The following MYOZ2 variants were observed in gnomAD, a reference collection of about 807,000 sequenced individuals.
MYOZ2 encodes myozenin-2.
In MYOZ2, 19 loss-of-function variants were observed where a neutral mutation model predicts 25.4. The ratio of observed to expected loss-of-function variants is 0.75; its 90% confidence interval spans 0.52 to 1.10. MYOZ2 has a LOEUF of 1.10. Among genes scored for constraint, MYOZ2 ranks in the 50% least tolerant of loss-of-function variants. The pLI, the probability that MYOZ2 is intolerant of heterozygous loss-of-function variation, is 0.00. For synonymous variants in MYOZ2, 92 were observed against 106.9 expected (o/e 0.86, Z 0.86); for missense variants, 270 against 317.9 (o/e 0.85, Z 1.15).
intron 5 of MYOZ2, among the ~76,000 whole-genome samples, chr4:119,172,987 G>A (rs1282266521): frequency 1.4e-4 from 22 of 152,090 alleles, no homozygotes; most frequent in Admixed American, 1.4e-3. Flanking sequence ...TTCCCCATCT[G>A]CAAAATAAAT....
rs200077093 is a variant in MYOZ2, at chr4:119,164,281, A to G, written c.447A>G (p.Gln149=). 21 of 1,614,060 alleles carry G rather than the reference A, an allele frequency of 1.3e-5. No homozygotes were observed. In the Admixed American group the frequency reaches 2.0e-4, roughly 15 times the overall value. The change falls in exon 5 of 6, where the codon CAA becomes CAG. Residue 149 remains glutamine, a synonymous_variant. Transcript: ENST00000307128. The part of the protein sequence containing the change: ...FNTTAVPKYY[Q]SPWEQAISND... The stretch of plus-strand genomic sequence containing the variant: ...CCACAGCTGTCCCTAAGTACTATCA[A>G]TCTCCCTGGGAACAAGCCATTAGCA...
At chr4:119,175,190 G>C (rs948848368) in intron 5 of MYOZ2, among the ~76,000 whole-genome samples, 3 of 151,844 alleles carry the variant, frequency 2.0e-5, no homozygotes, top group African/African-American at 7.3e-5. Context: ...AGAAGGAAAT[G>C]TTTTCATTTA....
At chr4:119,176,943 A>G (rs532433003) in intron 5 of MYOZ2, among the ~76,000 whole-genome samples, 4 of 152,220 alleles carry the variant, frequency 2.6e-5, no homozygotes, top group Non-Finnish European at 4.4e-5. Context: ...ACTAGTTCCC[A>G]GATGAAGCCA....
At chr4:119,165,467 T>G (rs1463678792) in intron 5 of MYOZ2, among the ~76,000 whole-genome samples, 1 of 152,074 alleles carries the variant, frequency 6.6e-6, no homozygotes, top group African/African-American at 2.4e-5. Flanking sequence ...GCTGAAATCA[T>G]GTAACTTCAC....
chr4:119,137,754 A>C (rs1183511449), intron 2 of MYOZ2, among the ~76,000 whole-genome samples: 1 of 152,182 alleles, frequency 6.6e-6, no homozygotes, highest in Non-Finnish European at 1.5e-5. Flanking sequence ...TGAGTCAGAT[A>C]CCAGAACTGA....
At chr4:119,154,865 ACACACG>A (rs1382369517) in intron 3 of MYOZ2, among the ~76,000 whole-genome samples, 13 of 131,868 alleles carry the variant, frequency 9.9e-5, no homozygotes, top group African/African-American at 4.1e-4. Flanking sequence ...TTACACACAC[ACACACG>A]CACACACACA....
intron 5 of MYOZ2, among the ~76,000 whole-genome samples, chr4:119,175,110 C>T (rs775492339): frequency 2.0e-4 from 31 of 151,774 alleles, no homozygotes; most frequent in Non-Finnish European, 2.5e-4. Context: ...CGGCTTCATT[C>T]TTGAAGTCAG....
intron 5 of MYOZ2, among the ~76,000 whole-genome samples, chr4:119,166,204 G>A (rs773313368): frequency 3.9e-5 from 6 of 151,970 alleles, no homozygotes; most frequent in South Asian, 2.1e-4. Flanking sequence ...TAACATTAAT[G>A]GATGAAACAA....
intron 5 of MYOZ2, among the ~76,000 whole-genome samples, chr4:119,173,939 G>A (rs969613095): frequency 6.6e-6 from 1 of 152,242 alleles, no homozygotes; most frequent in Admixed American, 6.5e-5. Context: ...GGCCAGCGGC[G>A]GTGGGGGGTG....
chr4:119,175,753 A>C (rs1017986034), intron 5 of MYOZ2, among the ~76,000 whole-genome samples: 5 of 128,680 alleles, frequency 3.9e-5, no homozygotes, highest in Non-Finnish European at 8.7e-5. Flanking sequence ...CTCCATCTTA[A>C]AAAAAAAAAA....
At chr4:119,180,258 G>A (rs1009985826) in intron 5 of MYOZ2, among the ~76,000 whole-genome samples, 1 of 152,038 alleles carries the variant, frequency 6.6e-6, no homozygotes, top group African/African-American at 2.4e-5. Flanking sequence ...GTGATCTGGA[G>A]GGAAGAAATC....
chr4:119,168,710 C>CAAA (rs754534388), intron 5 of MYOZ2, among the ~76,000 whole-genome samples: 15 of 150,220 alleles, frequency 1.0e-4, no homozygotes, highest in African/African-American at 2.3e-4. Flanking sequence ...ACAACAACAA[C>CAAA]AAAAAACCAC....
At chr4:119,136,991 T>C (rs182623830) in intron 2 of MYOZ2, among the ~76,000 whole-genome samples, 1 of 152,272 alleles carries the variant, frequency 6.6e-6, no homozygotes, top group Admixed American at 6.5e-5. Flanking sequence ...TTACATTATA[T>C]AAATCACTCA....
At position 119,151,023 on chromosome 4, in the gene MYOZ2, A is replaced by G. The variant is rs192725921; in HGVS notation, c.228A>G (p.Gln76=). The change falls in exon 3 of 6, where the codon CAA becomes CAG. Residue 76 remains glutamine (Q), a synonymous_variant. Transcript: ENST00000307128. ...ACACATTTGAAAATTTCCAGTATCA[A>G]TCTAGAGCACAAATAAATGTAGGTA... The part of the protein sequence containing the change: ...DKYTFENFQY[Q]SRAQINHSIA... 1.8e-4 allele frequency: 298 copies of G among 1,612,558 alleles called. 1 individual carries two copies. In the Admixed American group the frequency reaches 4.4e-3, roughly 24 times the overall value.
At position 119,186,882 on chromosome 4, in the gene MYOZ2, A is replaced by ACCAT. The variant is rs1742303409; in HGVS notation, c.*682_*683insCCAT. 6.6e-6 allele frequency: 1 copy of ACCAT among 152,302 alleles called. No homozygotes were observed. Among genetic ancestry groups the ACCAT allele is most frequent in the Non-Finnish European group, 1.5e-5 (1 of 68,106 alleles). 9.4% of individuals were successfully genotyped at this position (152,302 alleles called of 1,614,324 possible). A position where few individuals can be genotyped will look rare whatever the true frequency, so the allele number is the denominator to read the frequency against. On this transcript the variant is annotated 3_prime_UTR_variant, in exon 6 of 6. Transcript: ENST00000307128. ...AGGGACGTCATAGTACCATAGTTTT[A>ACCAT]AGGACCAAGGTGTGCCCAGAATTCA...
At chr4:119,140,730 A>G (rs557777283) in intron 2 of MYOZ2, among the ~76,000 whole-genome samples, 1 of 152,358 alleles carries the variant, frequency 6.6e-6, no homozygotes, top group East Asian at 1.9e-4. Flanking sequence ...TGTTTTAGAC[A>G]TACATCCTAT....
Position 119,186,222 on chromosome 4 carries a change from A to G in MYOZ2, c.*22A>G, listed in dbSNP as rs778695662. The G allele has an allele frequency of 6.3e-6, 10 of 1,581,574 alleles. No individual in the cohort carries two copies. The highest frequency in any genetic ancestry group is 1.1e-5 in the South Asian group (1 of 90,258). On this transcript the variant is annotated 3_prime_UTR_variant, in exon 6 of 6. Transcript: ENST00000307128. ...ATGAAAAGAAAGTTGTATGTGCCAC[A>G]TAAAACTCTGAATATAAAAGTTGCT...
At chr4:119,185,607 G>A (rs1312411542) in intron 5 of MYOZ2, among the ~76,000 whole-genome samples, 2 of 152,152 alleles carry the variant, frequency 1.3e-5, no homozygotes, top group African/African-American at 4.8e-5. Flanking sequence ...GAGCCACCAC[G>A]CCCGGCCTAG....
intron 2 of MYOZ2, among the ~76,000 whole-genome samples, chr4:119,149,209 C>G (rs1267310559): frequency 6.6e-6 from 1 of 152,122 alleles, no homozygotes; most frequent in Non-Finnish European, 1.5e-5. Flanking sequence ...AGTTCAGACT[C>G]CCACGTAGTC....
Sources: allele counts gnomAD v4.1 joint callset (sites outside exome capture counted in the v4.1 genomes callset), GRCh38; gene constraint gnomAD v4.1.1; transcripts MANE v1.5; gene names NCBI Gene and HGNC (gene_info 2026-07-23, HGNC 2026-07-21).